The following KDM4C variants were observed in gnomAD, a reference collection of about 807,000 sequenced individuals.
KDM4C encodes the protein lysine-specific demethylase 4C.
KDM4C carries 81 observed loss-of-function variants against 129.3 expected under a neutral mutation model. The observed-to-expected ratio is 0.63, with a 90% CI of 0.52 to 0.75. The LOEUF is 0.75. KDM4C is among the 30% of genes least tolerant of loss of function. The pLI, the probability that KDM4C is intolerant of heterozygous loss-of-function variation, is 0.00. For missense variants in KDM4C, 1,457 were observed against 1,304.0 expected (o/e 1.12, Z -1.81); for synonymous variants, 573 against 456.1 (o/e 1.26, Z -3.26).
chr9:7,167,044 T>G (rs1331175606), intron 20 of KDM4C, among the ~76,000 whole-genome samples: 1 of 152,222 alleles, frequency 6.6e-6, no homozygotes, highest in Non-Finnish European at 1.5e-5. Context: ...GCACAGTGCT[T>G]AATATCCTAG....
intron 19 of KDM4C, among the ~76,000 whole-genome samples, chr9:7,130,431 C>G (rs1840492048): frequency 1.3e-5 from 2 of 152,254 alleles, no homozygotes; most frequent in African/African-American, 4.8e-5. Flanking sequence ...CCTTTGACAC[C>G]CTCCATTTCC....
chr9:6,961,224 A>T (rs1026254141), intron 8 of KDM4C, among the ~76,000 whole-genome samples: 3 of 152,264 alleles, frequency 2.0e-5, no homozygotes, highest in Non-Finnish European at 4.4e-5. Flanking sequence ...ATAGCCTAAT[A>T]GTCATGAAAT....
At chr9:6,947,705 C>T (rs528314207) in intron 8 of KDM4C, among the ~76,000 whole-genome samples, 37 of 151,956 alleles carry the variant, frequency 2.4e-4, no homozygotes, top group African/African-American at 8.7e-4. Context: ...CCAGTTTATC[C>T]CTAATCTATT....
chr9:6,887,838 A>T, intron 6 of KDM4C, 122 bp from the exon 7 acceptor site: 1 of 628,540 alleles, frequency 1.6e-6, no homozygotes. Context: ...GCTTTTTGGC[A>T]GAAGAGGTCC....
At chr9:6,989,003 A>C (rs1818251864) in intron 11 of KDM4C, among the ~76,000 whole-genome samples, 2 of 152,106 alleles carry the variant, frequency 1.3e-5, no homozygotes, top group Admixed American at 1.3e-4. Context: ...TCTATAATCT[A>C]CACTTCTTGA....
chr9:6,836,599 C>G (rs1228986996), intron 4 of KDM4C, among the ~76,000 whole-genome samples: 1 of 152,110 alleles, frequency 6.6e-6, no homozygotes, highest in Non-Finnish European at 1.5e-5. Flanking sequence ...TGTTTGATTT[C>G]TTGCCTTGTA....
chr9:6,889,174 A>C (rs1034371908), intron 7 of KDM4C, among the ~76,000 whole-genome samples: 1 of 123,038 alleles, frequency 8.1e-6, no homozygotes, highest in African/African-American at 3.1e-5. Flanking sequence ...AAATCTTTAC[A>C]TTTTCTTCAC....
At chr9:6,850,092 G>C (rs1228200302) in intron 5 of KDM4C, among the ~76,000 whole-genome samples, 1 of 152,184 alleles carries the variant, frequency 6.6e-6, no homozygotes, top group Non-Finnish European at 1.5e-5. Context: ...TTGTAGCCTA[G>C]AAGCAATAAG....
At chr9:6,990,573 A>G in intron 12 of KDM4C, 49 bp downstream of exon 12, 2 of 1,231,666 alleles carry the variant, frequency 1.6e-6, no homozygotes, top group South Asian at 2.7e-5. Flanking sequence ...TTTGGTGTGT[A>G]AAACAAACTA....
At chr9:6,911,827 G>A (rs956410257) in intron 8 of KDM4C, among the ~76,000 whole-genome samples, 2 of 152,238 alleles carry the variant, frequency 1.3e-5, no homozygotes, top group Non-Finnish European at 2.9e-5. Context: ...GGCTGGTGCT[G>A]GGGCTCGGGG....
At chr9:6,865,129 C>G (rs916003254) in intron 5 of KDM4C, among the ~76,000 whole-genome samples, 11 of 151,762 alleles carry the variant, frequency 7.2e-5, no homozygotes, top group African/African-American at 2.7e-4. Flanking sequence ...CTGCTTCAGC[C>G]TCCCGAGTAG....
intron 15 of KDM4C, among the ~76,000 whole-genome samples, chr9:7,017,096 T>A (rs1245368001): frequency 6.6e-6 from 1 of 152,090 alleles, no homozygotes; most frequent in Non-Finnish European, 1.5e-5. Context: ...CCACCATGCC[T>A]GGGTAATTTT....
chr9:6,996,664 C>T (rs1303989515), intron 12 of KDM4C, among the ~76,000 whole-genome samples: 5 of 152,214 alleles, frequency 3.3e-5, no homozygotes, highest in African/African-American at 1.2e-4. Context: ...AGTGATACTC[C>T]TCTGCTCAGC....
At chr9:6,848,942 G>A (rs1224116781) in intron 4 of KDM4C, among the ~76,000 whole-genome samples, 2 of 152,188 alleles carry the variant, frequency 1.3e-5, no homozygotes, top group Non-Finnish European at 2.9e-5. Context: ...ATACTGCCAA[G>A]AGTTTTTCCA....
Position 6,758,012 on chromosome 9 carries a change from C to T in KDM4C, c.-209C>T, listed in dbSNP as rs1291280750. 1.0e-6 allele frequency: 1 copy of T among 985,440 alleles called. No individual in the cohort carries two copies. Among genetic ancestry groups the T allele is most frequent in the Non-Finnish European group, 1.2e-6 (1 of 829,948 alleles). 61.0% of individuals were successfully genotyped at this position (985,440 alleles called of 1,614,324 possible). On this transcript the variant is annotated 5_prime_UTR_variant, in exon 1 of 22. Transcript: ENST00000381309. This position sits in a 1 kb window ranked among gnomAD's most constrained non-coding sequence, Gnocchi z 4.6. ...GCGCGCCTTCGCCGCTGCCTCCCAC[C>T]CACCCCCTCGACGGGAGGGTGAGGC...
Position 6,849,601 on chromosome 9 carries a change from A to G in KDM4C, c.530A>G (p.Tyr177Cys), listed in dbSNP as rs1182687381. Residue 177 changes from tyrosine (Y) to cysteine (C), a missense_variant, in exon 5 of 22, where the codon TAT becomes TGT. By Grantham distance (194) the Tyr-to-Cys change is radical (BLOSUM62 -2). Coordinates refer to ENST00000381309, the MANE Select transcript of KDM4C (RefSeq NM_015061.6). ...TCTATTGAGGGTGTAAATACCCCAT[A>G]TCTCTATTTTGGCATGTGGAAGACC... Reference protein sequence around the residue: ...GISIEGVNTPYLYFGMWKTTF... With the variant: ...GISIEGVNTPCLYFGMWKTTF... The G allele has an allele frequency of 6.2e-7, 1 of 1,613,990 alleles. No homozygotes were observed. Among genetic ancestry groups the G allele is most frequent in the Admixed American group, 1.7e-5 (1 of 59,998 alleles).
At chr9:6,831,923 T>G (rs1834898036) in intron 4 of KDM4C, among the ~76,000 whole-genome samples, 1 of 152,140 alleles carries the variant, frequency 6.6e-6, no homozygotes, top group Non-Finnish European at 1.5e-5. Flanking sequence ...TTAAATGAGG[T>G]CCATTAGTAA....
chr9:7,088,195 T>G (rs1254531128), intron 17 of KDM4C, among the ~76,000 whole-genome samples: 1 of 152,166 alleles, frequency 6.6e-6, no homozygotes, highest in African/African-American at 2.4e-5. Context: ...GGCCCTGCTT[T>G]GTCTGCCTCG....
Position 6,729,480 on chromosome 9 carries a change from G to T in KDM4C, c.49+8483G>T, listed in dbSNP as rs1258531805. Among the ~76,000 whole-genome samples the T allele has an allele frequency of 2.3e-5, 3 of 132,040 alleles. 1 individual carries two copies. Among genetic ancestry groups the T allele is most frequent in the Non-Finnish European group, 4.6e-5 (3 of 65,112 alleles). The allele number at this position is 132,040 out of a possible 152,430, so 86.6% of individuals were successfully genotyped here. Reference sequence around the variant, plus strand: ...TGCTTGAGCCCAGGGGAGTGGGGCGGAGGTTGCAGTGAGCCAAGATCACGC... The same window carrying T: ...TGCTTGAGCCCAGGGGAGTGGGGCGTAGGTTGCAGTGAGCCAAGATCACGC... On this transcript the variant is annotated intron_variant, in intron 1 of 17. Coordinates refer to the KDM4C transcript ENST00000536108.
Sources: gnomAD v4.1 joint callset for allele counts (sites outside exome capture counted in the v4.1 genomes callset) on GRCh38, gnomAD v4.1.1 for gene constraint, Gnocchi (gnomAD v3.1) non-coding constraint, MANE v1.5 for transcripts, NCBI Gene and HGNC (gene_info 2026-07-23, HGNC 2026-07-21) for gene names.